Variants in LHFPL4 observed in about 807,000 individuals in gnomAD.
LHFPL4 encodes the protein LHFPL tetraspan subfamily member 4.
LHFPL4 carries 6 observed loss-of-function variants against 20.0 expected under a neutral mutation model. The observed-to-expected ratio is 0.30, with a 90% confidence interval of 0.16 to 0.59. The LOEUF (loss-of-function observed/expected upper bound fraction) is 0.59, where lower values mean the gene tolerates loss of function less well. Among genes scored for constraint, LHFPL4 ranks in the 20% least tolerant of loss-of-function variants. LHFPL4 has a pLI of 0.88. For synonymous variants in LHFPL4, 129 were observed against 143.8 expected, an observed-to-expected ratio of 0.90 and a Z score of 0.74; for missense variants, 215 against 331.2, an observed-to-expected ratio of 0.65 and a Z score of 2.72.
intron 2 of LHFPL4, among the ~76,000 whole-genome samples, chr3:9,507,644 GGCAATGGTTCCCTA>G (rs1356045165): frequency 2.0e-5 from 3 of 152,220 alleles, no homozygotes. Flanking sequence ...GAAGGGCCTT[GGCAATGGTTCCCTA>G]GCTAGCATCC....
At chr3:9,520,276 T>C (rs897581884) in intron 2 of LHFPL4, among the ~76,000 whole-genome samples, 1 of 152,254 alleles carries the variant, frequency 6.6e-6, no homozygotes, top group African/African-American at 2.4e-5. Flanking sequence ...GGCAACATAG[T>C]GTGACTCCAT....
intron 2 of LHFPL4, among the ~76,000 whole-genome samples, chr3:9,522,696 T>C (rs1459722323): frequency 6.7e-6 from 1 of 149,312 alleles, no homozygotes; most frequent in African/African-American, 2.5e-5. Context: ...TGAGCCGAGA[T>C]TGTGCCATTG....
At chr3:9,517,273 A>C (rs912080269) in intron 2 of LHFPL4, among the ~76,000 whole-genome samples, 2 of 152,154 alleles carry the variant, frequency 1.3e-5, no homozygotes, top group African/African-American at 4.8e-5. Context: ...TTGAGATTGC[A>C]TTGAATCTAA....
intron 2 of LHFPL4, among the ~76,000 whole-genome samples, chr3:9,525,752 C>T (rs1284981684): frequency 6.6e-6 from 1 of 152,146 alleles, no homozygotes; most frequent in East Asian, 1.9e-4. Context: ...AAAAATCCAA[C>T]GTGCTTATAC....
rs755028674 is a variant in LHFPL4, at chr3:9,552,443, G to T, written c.237C>A (p.Gly79=). ...GLAGRELTCR[G]SFTDFSTIPS... Reference sequence around the variant, plus strand: ...GGATGGTGCTGAAGTCGGTGAAGGAGCCCCGGCAGGTGAGCTCGCGGCCCG... The same window carrying T: ...GGATGGTGCTGAAGTCGGTGAAGGATCCCCGGCAGGTGAGCTCGCGGCCCG... Residue 79 remains glycine, a synonymous_variant, in exon 2 of 4, where the codon GGC becomes GGA. Transcript: ENST00000287585. The T allele has an allele frequency of 6.2e-7, 1 of 1,613,438 alleles. No homozygotes were observed. Among genetic ancestry groups the T allele is most frequent in the Non-Finnish European group, 8.5e-7 (1 of 1,179,818 alleles).
At chr3:9,523,107 AAAGCAAGCAAGC>A (rs140174455) in intron 2 of LHFPL4, among the ~76,000 whole-genome samples, 2 of 144,448 alleles carry the variant, frequency 1.4e-5, no homozygotes, top group Admixed American at 6.9e-5. Context: ...AGAGAGAGAG[AAAGCAAGCAAGC>A]AAGCAAGCAA....
chr3:9,523,982 T>C lies in LHFPL4; in HGVS notation c.407-17779A>G, dbSNP rs889287415. 4.4e-5 allele frequency among the ~76,000 whole-genome samples: 6 copies of C among 135,666 alleles called. No individual in the cohort carries two copies. In the East Asian group the frequency reaches 8.2e-4, roughly 19 times the overall value. The allele number at this position is 135,666 out of a possible 152,430, so 89.0% of individuals were successfully genotyped here. ...AGAGTACACAATTCTAGGCTAGTAT[T>C]TCCCCCCCCCCCAACACTTTAAATA... is the stretch of plus-strand genomic sequence containing the variant. On this transcript the variant is annotated intron_variant, in intron 2 of 3. Coordinates refer to ENST00000287585, the MANE Select transcript of LHFPL4 (RefSeq NM_198560.3).
chr3:9,542,256 A>T (rs183495845), intron 2 of LHFPL4, among the ~76,000 whole-genome samples: 229 of 152,320 alleles, frequency 1.5e-3, no homozygotes, highest in African/African-American at 5.4e-3. Context: ...ACTGCACTCC[A>T]GCCTGGGCAC....
At chr3:9,539,140 C>A (rs1024806072) in intron 2 of LHFPL4, among the ~76,000 whole-genome samples, 1 of 152,076 alleles carries the variant, frequency 6.6e-6, no homozygotes, top group Non-Finnish European at 1.5e-5. Context: ...GATTCCTGAT[C>A]CAGGGCACTC....
chr3:9,544,222 A>C lies in LHFPL4; in HGVS notation c.406+8052T>G, dbSNP rs532920467. 2.6e-5 allele frequency among the ~76,000 whole-genome samples: 4 copies of C among 152,104 alleles called. No individual in the cohort carries two copies. The South Asian group carries it at 8.3e-4, about 32-fold the overall frequency. ...TGCCTGTGTACCCTTTTTACCTTCCAAATTTTGTCTCTTGTACATGTATTA... is the reference window on the plus strand; with the variant it reads ...TGCCTGTGTACCCTTTTTACCTTCCCAATTTTGTCTCTTGTACATGTATTA... On this transcript the variant is annotated intron_variant, in intron 2 of 3. Coordinates refer to ENST00000287585, the MANE Select transcript of LHFPL4 (RefSeq NM_198560.3).
In LHFPL4 at chr3:9,525,096, T is replaced by A. The variant is rs541889430; in HGVS notation, c.407-18893A>T. On this transcript the variant is annotated intron_variant, in intron 2 of 3. Coordinates refer to ENST00000287585, the MANE Select transcript of LHFPL4 (RefSeq NM_198560.3). ...CCTCTCTCTGATAATCCCAGCAGGTTAGGCTCTAGTCACCTAGTTTCTCCC... is the reference window on the plus strand; with the variant it reads ...CCTCTCTCTGATAATCCCAGCAGGTAAGGCTCTAGTCACCTAGTTTCTCCC... Among the ~76,000 whole-genome samples the A allele has an allele frequency of 2.0e-5, 3 of 152,314 alleles. No individual in the cohort carries two copies. The East Asian group carries it at 5.8e-4, about 29-fold the overall frequency.
intron 2 of LHFPL4, among the ~76,000 whole-genome samples, chr3:9,545,457 T>C (rs558929595): frequency 2.0e-5 from 3 of 152,142 alleles, no homozygotes; most frequent in Admixed American, 6.5e-5. Context: ...GGTGGGAGGA[T>C]CACTTAAGGC....
chr3:9,552,434 G>T lies in LHFPL4; in HGVS notation c.246C>A (p.Thr82=). The change falls in exon 2 of 4, where the codon ACC becomes ACA. Residue 82 remains threonine, a synonymous_variant. Coordinates refer to ENST00000287585, the MANE Select transcript of LHFPL4 (RefSeq NM_198560.3). ...GRELTCRGSF[T]DFSTIPSSAF... ...CGCTGGACGGGATGGTGCTGAAGTC[G>T]GTGAAGGAGCCCCGGCAGGTGAGCT... 6.2e-7 allele frequency: 1 copy of T among 1,613,574 alleles called. No homozygotes were observed. Among genetic ancestry groups the T allele is most frequent in the Non-Finnish European group, 8.5e-7 (1 of 1,179,870 alleles).
At chr3:9,549,178 T>C (rs1384926486) in intron 2 of LHFPL4, among the ~76,000 whole-genome samples, 1 of 152,110 alleles carries the variant, frequency 6.6e-6, no homozygotes, top group East Asian at 1.9e-4. Context: ...ACTAATATAG[T>C]GACGTAACTA....
At chr3:9,513,916 T>C (rs2046279981) in intron 2 of LHFPL4, among the ~76,000 whole-genome samples, 1 of 152,180 alleles carries the variant, frequency 6.6e-6, no homozygotes, top group Non-Finnish European at 1.5e-5. Context: ...GTAAATGTAC[T>C]TACTCCTTGA....
intron 2 of LHFPL4, among the ~76,000 whole-genome samples, chr3:9,533,911 A>T (rs190428313): frequency 0.013 from 1,942 of 146,412 alleles, 43 homozygotes; most frequent in South Asian, 0.068. Flanking sequence ...TTATGACTTT[A>T]AAAAAAAAAA....
intron 2 of LHFPL4, among the ~76,000 whole-genome samples, chr3:9,536,209 G>C (rs1181955039): frequency 1.3e-5 from 2 of 152,194 alleles, no homozygotes; most frequent in African/African-American, 2.4e-5. Context: ...AAGTGGGTTG[G>C]AGATGCCTGT....
chr3:9,508,520 C>T (rs889842152), intron 2 of LHFPL4, among the ~76,000 whole-genome samples: 1 of 152,132 alleles, frequency 6.6e-6, no homozygotes, highest in Non-Finnish European at 1.5e-5. Flanking sequence ...CAGGGGAAAA[C>T]CGGGGCTAGA....
chr3:9,543,927 T>C (rs924971335), intron 2 of LHFPL4, among the ~76,000 whole-genome samples: 1 of 152,102 alleles, frequency 6.6e-6, no homozygotes, highest in African/African-American at 2.4e-5. Context: ...TTCACCATGT[T>C]GCCCAGGCTG....
Sources: gnomAD v4.1 joint callset for allele counts (sites outside exome capture counted in the v4.1 genomes callset) on GRCh38, gnomAD v4.1.1 for gene constraint, MANE v1.5 for transcripts, NCBI Gene and HGNC (gene_info 2026-07-23, HGNC 2026-07-21) for gene names.